RALGDS: variants seen among roughly 807,000 people sequenced by gnomAD.
The protein encoded by RALGDS is ral guanine nucleotide dissociation stimulator, also known as ral guanine nucleotide exchange factor.
RALGDS carries 44 observed loss-of-function variants against 99.8 expected under a neutral mutation model. That is an observed-to-expected ratio of 0.44 (90% CI 0.35 to 0.57). The LOEUF is 0.57. Ranked by LOEUF, RALGDS falls within the 20% of genes least tolerant of loss-of-function variation. The probability of loss-of-function intolerance (pLI) is 0.01; values close to 1 mark genes in which losing one functional copy is unlikely to be tolerated. For missense variants in RALGDS, 1,022 were observed against 1,203.1 expected, an observed-to-expected ratio of 0.85 and a Z score of 2.23; for synonymous variants, 529 against 505.0, an observed-to-expected ratio of 1.05 and a Z score of -0.64.
chr9:133,142,083 G>A (rs1218339984), intron 1 of RALGDS, among the ~76,000 whole-genome samples: 1 of 152,220 alleles, frequency 6.6e-6, no homozygotes, highest in African/African-American at 2.4e-5. Context: ...CTCTCACTCA[G>A]GTATCCAGGA....
chr9:133,129,402 G>A, intron 1 of RALGDS: 1 of 1,439,298 alleles, frequency 6.9e-7, no homozygotes, highest in Non-Finnish European at 9.1e-7. Context: ...CTAGTGGAGT[G>A]GAGCACCCGA....
rs947930017 is a variant in RALGDS, at chr9:133,100,084, C to T, written c.2569+184G>A. ...GTTCACGCCTAGGGAAGGGCACACA[C>T]TGGGGAGGTCCAGTGGTTGCTGGGG... On this transcript the variant is annotated intron_variant, in intron 17 of 17. Transcript: ENST00000372050. 9.5e-5 allele frequency: 66 copies of T among 692,080 alleles called. No homozygotes were observed. The South Asian group carries it at 1.0e-3, about 10-fold the overall frequency. The allele number at this position is 692,080 out of a possible 1,614,324, so 42.9% of individuals were successfully genotyped here. A position where few individuals can be genotyped will look rare whatever the true frequency, so the allele number is the denominator to read the frequency against.
chr9:133,106,966 C>A, intron 7 of RALGDS, 119 bp downstream of exon 7: 1 of 1,186,722 alleles, frequency 8.4e-7, no homozygotes, highest in Non-Finnish European at 1.2e-6. Context: ...CTGGGAGAGT[C>A]AAGGCCAGCA....
At position 133,113,721 on chromosome 9, in the gene RALGDS, AC is replaced by A. The variant is rs545112559; in HGVS notation, c.184-1570del. Among the ~76,000 whole-genome samples the A allele has an allele frequency of 5.9e-5, 9 of 151,784 alleles. 1 individual carries two copies. The highest frequency in any genetic ancestry group is 2.6e-4 in the Admixed American group (4 of 15,266). On this transcript the variant is annotated intron_variant, in intron 1 of 17. Coordinates refer to ENST00000372050, the MANE Select transcript of RALGDS (RefSeq NM_006266.4). Reference sequence around the variant, plus strand: ...GTTACAGCGACCAGGGCCCCCAACCACCCGGGCCTCCTCAGGGGTCCCAGAC... The same window carrying A: ...GTTACAGCGACCAGGGCCCCCAACCACCGGGCCTCCTCAGGGGTCCCAGAC...
intron 1 of RALGDS, among the ~76,000 whole-genome samples, chr9:133,137,930 C>T (rs2119264446): frequency 6.6e-6 from 1 of 152,352 alleles, no homozygotes; most frequent in South Asian, 2.1e-4. Flanking sequence ...CACAGTCAGG[C>T]CCCTGTGTCC....
rs780854074 is a variant in RALGDS, at chr9:133,097,840, C to G, written c.*747G>C. On this transcript the variant is annotated 3_prime_UTR_variant, in exon 18 of 18. Coordinates refer to ENST00000372050, the MANE Select transcript of RALGDS (RefSeq NM_006266.4). ...TTTTTTTTTCTTTTTGCTTTTTATA[C>G]AAATATTCAATCACCCCACCCCCAC... 4.4e-6 allele frequency: 1 copy of G among 226,996 alleles called. No homozygotes were observed. The highest frequency in any genetic ancestry group is 2.2e-5 in the African/African-American group (1 of 44,728). The allele number at this position is 226,996 out of a possible 1,614,324, so 14.1% of individuals were successfully genotyped here.
At chr9:133,140,218 T>TGGTCCCACCCTCCCCAC in intron 1 of RALGDS, among the ~76,000 whole-genome samples, 1 of 150,956 alleles carries the variant, frequency 6.6e-6, no homozygotes, top group South Asian at 2.1e-4. Flanking sequence ...ACCCTCCCCA[T>TGGTCCCACCCTCCCCAC]GGTCCCACCC....
Position 133,148,941 on chromosome 9 carries a change from G to A in RALGDS, c.18+22C>T, listed in dbSNP as rs377486181. 31 of 1,601,780 alleles carry A rather than the reference G, an allele frequency of 1.9e-5. No individual in the cohort carries two copies. In the African/African-American group the frequency reaches 2.9e-4, roughly 15 times the overall value. The stretch of plus-strand genomic sequence containing the variant: ...GTCCTCCCTCCACCCGCGACGCGAG[G>A]CTGGGGACGGCGCGCACTCACCTGG... On this transcript the variant is annotated intron_variant, in intron 1 of 17. Transcript: ENST00000393160.
In RALGDS at chr9:133,109,662, G is replaced by A. The variant is rs753334117; in HGVS notation, c.548C>T (p.Ser183Phe). ...GTCCTGGGGTCCACCATCCTCGTCG[G>A]AATAGGGGAGGATGCAGCCGTATCT... is the stretch of plus-strand genomic sequence containing the variant. Reference protein sequence around the residue: ...SSRYGCILPYSDEDGGPQDQL... With the variant: ...SSRYGCILPYFDEDGGPQDQL... Residue 183 changes from serine (S) to phenylalanine (F), a missense_variant, in exon 4 of 18, where the codon TCC becomes TTC. By Grantham distance (155) the Ser-to-Phe change is radical (BLOSUM62 -2). Coordinates refer to ENST00000372050, the MANE Select transcript of RALGDS (RefSeq NM_006266.4). 6.2e-7 allele frequency: 1 copy of A among 1,613,956 alleles called. No individual in the cohort carries two copies. Among genetic ancestry groups the A allele is most frequent in the South Asian group, 1.1e-5 (1 of 91,088 alleles).
At chr9:133,141,248 C>T (rs547763866) in intron 1 of RALGDS, among the ~76,000 whole-genome samples, 2 of 152,358 alleles carry the variant, frequency 1.3e-5, no homozygotes, top group African/African-American at 4.8e-5. Flanking sequence ...ATAGCCTTCC[C>T]ATCCCCAAAG....
chr9:133,113,329 T>G (rs1831438649), intron 1 of RALGDS, among the ~76,000 whole-genome samples: 1 of 152,170 alleles, frequency 6.6e-6, no homozygotes, highest in Non-Finnish European at 1.5e-5. Context: ...CTGTCCAGCA[T>G]GCTGTGGACG....
chr9:133,107,737 C>A lies in RALGDS; in HGVS notation c.1197+251G>T, dbSNP rs1379379684. Among the ~76,000 whole-genome samples the A allele has an allele frequency of 3.9e-5, 6 of 152,370 alleles. No individual in the cohort carries two copies. In the East Asian group the frequency reaches 1.2e-3, roughly 29 times the overall value. On this transcript the variant is annotated intron_variant, in intron 6 of 17. Transcript: ENST00000372050. ...GCACCCTCCGCTCCCACAGGCCAGG[C>A]CTGCTGAGCTTCCTGTCTGTTCCAT... is the stretch of plus-strand genomic sequence containing the variant.
Position 133,100,299 on chromosome 9 carries a change from A to G in RALGDS, c.2538T>C (p.Tyr846=), listed in dbSNP as rs1830692206. The G allele has an allele frequency of 2.5e-6, 4 of 1,613,862 alleles. No homozygotes were observed. The South Asian group carries it at 3.3e-5, about 13-fold the overall frequency. The change falls in exon 17 of 18, where the codon TAT becomes TAC. Residue 846 remains tyrosine (Y), a synonymous_variant. Coordinates refer to ENST00000372050, the MANE Select transcript of RALGDS (RefSeq NM_006266.4). The stretch of plus-strand genomic sequence containing the variant: ...CATCTGAGAGAATCTGCAGCAGCTC[A>G]TAGTCCTCCGGCTCCTCCTCCTCCA... The part of the protein sequence containing the change: ...HNLEEEEPED[Y]ELLQILSDDR...
intron 1 of RALGDS, among the ~76,000 whole-genome samples, chr9:133,116,673 C>T (rs937654512): frequency 6.6e-6 from 1 of 152,264 alleles, no homozygotes; most frequent in Non-Finnish European, 1.5e-5. Context: ...CTACAGTGCC[C>T]AGCACATGCG....
intron 1 of RALGDS, among the ~76,000 whole-genome samples, chr9:133,141,675 C>T (rs186333164): frequency 1.3e-5 from 2 of 152,234 alleles, no homozygotes; most frequent in Non-Finnish European, 2.9e-5. Flanking sequence ...AGGGCAGTGG[C>T]GGCCTGGTCC....
rs57567335 is a variant in RALGDS, at chr9:133,145,655, C to A, written c.18+3308G>T. On this transcript the variant is annotated intron_variant, in intron 1 of 17. Transcript: ENST00000393160. Reference sequence around the variant, plus strand: ...AACCAGTGTGTTCTCATGCTCCCAGCCCCTGAGGCTCAGAGAGGGGAAGCC... The same window carrying A: ...AACCAGTGTGTTCTCATGCTCCCAGACCCTGAGGCTCAGAGAGGGGAAGCC... 5.0e-3 allele frequency among the ~76,000 whole-genome samples: 764 copies of A among 152,278 alleles called. 7 individuals are homozygous for A. The highest frequency in any genetic ancestry group is 0.017 in the African/African-American group (716 of 41,548).
At chr9:133,131,360 C>G (rs1357666701), upstream of RALGDS, among the ~76,000 whole-genome samples, 1 of 152,016 alleles carries the variant, frequency 6.6e-6, no homozygotes, top group African/African-American at 2.4e-5. Flanking sequence ...ACCTACCTCC[C>G]TGTACTCACC....
upstream of RALGDS, among the ~76,000 whole-genome samples, chr9:133,121,963 C>G (rs1831966891): frequency 6.6e-6 from 1 of 152,148 alleles, no homozygotes; most frequent in African/African-American, 2.4e-5. Context: ...CCACACTATC[C>G]CCTTACAGAC....
rs576652586 is a variant in RALGDS at position 133,098,802 on chromosome 9, G to C, written c.2570-40C>G. 117 of 1,602,122 alleles carry C rather than the reference G, an allele frequency of 7.3e-5. No homozygotes were observed. In the East Asian group the frequency reaches 2.3e-3, roughly 32 times the overall value. On this transcript the variant is annotated intron_variant, in intron 17 of 17. Coordinates refer to ENST00000372050, the MANE Select transcript of RALGDS (RefSeq NM_006266.4). ...CAGAGGGGTGATCAGGGATGCTCCTGGGGGCCCTGCAGGATACCCCTACCG... is the reference window on the plus strand; with the variant it reads ...CAGAGGGGTGATCAGGGATGCTCCTCGGGGCCCTGCAGGATACCCCTACCG...
Sources: allele counts gnomAD v4.1 joint callset (sites outside exome capture counted in the v4.1 genomes callset), GRCh38; gene constraint gnomAD v4.1.1; transcripts MANE v1.5; gene names NCBI Gene and HGNC (gene_info 2026-07-23, HGNC 2026-07-21).